IBTK: variants seen among roughly 807,000 people sequenced by gnomAD.
The protein encoded by IBTK is BTK-binding protein.
IBTK carries 83 observed loss-of-function variants against 154.9 expected under a neutral mutation model. The ratio of observed to expected loss-of-function variants is 0.54; its 90% CI spans 0.45 to 0.64. IBTK has a LOEUF of 0.64. Ranked by LOEUF, IBTK falls within the 30% of genes least tolerant of loss-of-function variation. IBTK has a pLI of 0.00. For missense variants in IBTK, 1,332 were observed against 1,584.6 expected, an observed-to-expected ratio of 0.84 and a Z score of 2.71; for synonymous variants, 515 against 536.1, an observed-to-expected ratio of 0.96 and a Z score of 0.54.
At chr6:82,216,310 G>A (rs911391727) in intron 10 of IBTK, 60 bp from the exon 11 acceptor site, 2 of 1,090,900 alleles carry the variant, frequency 1.8e-6, no homozygotes, top group African/African-American at 3.2e-5. Flanking sequence ...TAAAATGATT[G>A]AGAAGTAAAT....
intron 20 of IBTK, 129 bp from the exon 21 acceptor site, chr6:82,200,382 T>C: frequency 1.3e-6 from 1 of 750,536 alleles, no homozygotes. Context: ...GTGTTAGACC[T>C]ACAGATATTA....
intron 13 of IBTK, 25 bp from the exon 14 acceptor site, chr6:82,211,597 C>A: frequency 6.4e-7 from 1 of 1,564,184 alleles, no homozygotes; most frequent in Non-Finnish European, 8.8e-7. Flanking sequence ...TTAATTGAAG[C>A]AAGAGCAATT....
At chr6:82,194,066 C>T (rs1049900533) in intron 23 of IBTK, among the ~76,000 whole-genome samples, 1 of 152,010 alleles carries the variant, frequency 6.6e-6, no homozygotes, top group East Asian at 1.9e-4. Context: ...AATTAATATC[C>T]TCTGAAAATT....
At chr6:82,171,829 A>AATTC (rs1369764591) in intron 28 of IBTK, among the ~76,000 whole-genome samples, 5 of 152,314 alleles carry the variant, frequency 3.3e-5, no homozygotes, top group African/African-American at 1.2e-4. Flanking sequence ...TGGTTGCTAA[A>AATTC]ATTCATTCAT....
At chr6:82,189,695 G>A (rs931017517) in intron 25 of IBTK, among the ~76,000 whole-genome samples, 1 of 152,120 alleles carries the variant, frequency 6.6e-6, no homozygotes, top group African/African-American at 2.4e-5. Flanking sequence ...AGGACTCTAA[G>A]GAATATGCCT....
At chr6:82,175,944 G>T (rs1768096423) in intron 26 of IBTK, among the ~76,000 whole-genome samples, 1 of 151,622 alleles carries the variant, frequency 6.6e-6, no homozygotes, top group South Asian at 2.1e-4. Context: ...CAGGAGAATC[G>T]CTTGAACCCA....
intron 2 of IBTK, among the ~76,000 whole-genome samples, chr6:82,238,099 C>A (rs1229481899): frequency 1.3e-5 from 2 of 151,898 alleles, no homozygotes; most frequent in Non-Finnish European, 2.9e-5. Flanking sequence ...CAAAAATAAG[C>A]CGGGCACGGT....
intron 25 of IBTK, among the ~76,000 whole-genome samples, chr6:82,190,777 A>C (rs1463978071): frequency 1.3e-5 from 2 of 152,052 alleles, no homozygotes; most frequent in East Asian, 1.9e-4. Context: ...ATCTAATTAG[A>C]ATATCAAGAA....
chr6:82,219,778 G>A (rs985620229), intron 9 of IBTK, among the ~76,000 whole-genome samples: 13 of 151,578 alleles, frequency 8.6e-5, no homozygotes, highest in South Asian at 4.2e-4. Flanking sequence ...CTAGTGATCC[G>A]GAAATATTTC....
chr6:82,243,559 A>G lies in IBTK; in HGVS notation c.-357-2716T>C, dbSNP rs368921198. On this transcript the variant is annotated intron_variant, in intron 1 of 28. Transcript: ENST00000306270. ...CATTGCCATACTGTACATGCTACCA[A>G]CTCGATAGTCACTGAGTAGCCCTCT... 9.2e-5 allele frequency among the ~76,000 whole-genome samples: 14 copies of G among 152,320 alleles called. No individual in the cohort carries two copies. In the East Asian group the frequency reaches 2.7e-3, roughly 29 times the overall value.
chr6:82,181,559 G>A (rs1049609526), intron 26 of IBTK, among the ~76,000 whole-genome samples: 1 of 152,120 alleles, frequency 6.6e-6, no homozygotes, highest in Non-Finnish European at 1.5e-5. Flanking sequence ...ATTACAAAGG[G>A]ACATGACAAA....
intron 9 of IBTK, among the ~76,000 whole-genome samples, chr6:82,220,231 A>G (rs552094729): frequency 1.2e-4 from 19 of 152,304 alleles, no homozygotes; most frequent in African/African-American, 4.3e-4. Context: ...AAATAAAATT[A>G]TAGTTACATT....
chr6:82,221,852 T>C (rs1262272703), intron 8 of IBTK, among the ~76,000 whole-genome samples: 1 of 152,164 alleles, frequency 6.6e-6, no homozygotes, highest in African/African-American at 2.4e-5. Flanking sequence ...CACTAAAATA[T>C]AACCTAAAAT....
At chr6:82,241,574 G>A (rs1235308177) in intron 1 of IBTK, among the ~76,000 whole-genome samples, 1 of 151,940 alleles carries the variant, frequency 6.6e-6, no homozygotes, top group Admixed American at 6.6e-5. Flanking sequence ...ATGGTTCAAA[G>A]GCAAACAAAA....
intron 1 of IBTK, among the ~76,000 whole-genome samples, chr6:82,247,004 G>A (rs190814830): frequency 6.8e-4 from 103 of 152,278 alleles, no homozygotes; most frequent in African/African-American, 2.4e-3. Context: ...AACTCTTTGA[G>A]CCAGACAGCT....
At chr6:82,224,028 C>A (rs773633165) in intron 7 of IBTK, 40 bp downstream of exon 7, 3 of 1,045,052 alleles carry the variant, frequency 2.9e-6, no homozygotes, top group Non-Finnish European at 4.4e-6. Context: ...TTTAAAGAGT[C>A]CAATTTAATT....
intron 26 of IBTK, among the ~76,000 whole-genome samples, chr6:82,175,804 CG>C (rs1768088899): frequency 6.6e-6 from 1 of 151,744 alleles, no homozygotes; most frequent in Admixed American, 6.6e-5. Flanking sequence ...CCGAGGCAGG[CG>C]GATCACCTGA....
intron 4 of IBTK, among the ~76,000 whole-genome samples, chr6:82,231,310 C>G (rs1452782758): frequency 1.4e-5 from 2 of 140,608 alleles, no homozygotes; most frequent in Admixed American, 1.4e-4. Flanking sequence ...TTTTTAATGC[C>G]ACCAAAAAAA....
At chr6:82,174,863 A>C in intron 26 of IBTK, 12 of 414,766 alleles carry the variant, frequency 2.9e-5, no homozygotes, top group South Asian at 2.1e-4. Flanking sequence ...TTTTTGATTT[A>C]GAGTACAGTG....
Sources: gnomAD v4.1 joint callset for allele counts (sites outside exome capture counted in the v4.1 genomes callset) on GRCh38, gnomAD v4.1.1 for gene constraint, MANE v1.5 for transcripts, NCBI Gene and HGNC (gene_info 2026-07-23, HGNC 2026-07-21) for gene names.